SIPA1L3: variants seen among roughly 807,000 people sequenced by gnomAD.
The protein encoded by SIPA1L3 is signal-induced proliferation-associated 1-like protein 3.
SIPA1L3 carries 59 observed loss-of-function variants against 150.1 expected under a neutral mutation model. The observed-to-expected ratio is 0.39, with a 90% CI of 0.32 to 0.49. The LOEUF is 0.49. Ranked by LOEUF, SIPA1L3 falls within the 20% of genes least tolerant of loss-of-function variation. SIPA1L3 has a pLI of 0.86. For missense variants in SIPA1L3, 2,211 were observed against 2,489.5 expected, an observed-to-expected ratio of 0.89 and a Z score of 2.38; for synonymous variants, 1,070 against 1,077.6, an observed-to-expected ratio of 0.99 and a Z score of 0.14.
At chr19:37,954,883 T>C (rs955057982) in intron 1 of SIPA1L3, among the ~76,000 whole-genome samples, 7 of 152,028 alleles carry the variant, frequency 4.6e-5, no homozygotes, top group African/African-American at 1.7e-4. Context: ...GGCCAGGAGT[T>C]CGAGACCAGC....
chr19:38,053,713 C>A (rs963562216), intron 2 of SIPA1L3, among the ~76,000 whole-genome samples: 1 of 152,054 alleles, frequency 6.6e-6, no homozygotes, highest in African/African-American at 2.4e-5. Context: ...TGTGCCAACA[C>A]GCCCAGCTAA....
intron 2 of SIPA1L3, among the ~76,000 whole-genome samples, chr19:38,054,884 G>C (rs1249492593): frequency 1.3e-5 from 2 of 152,230 alleles, no homozygotes; most frequent in African/African-American, 4.8e-5. Context: ...ATGAGTCCTT[G>C]GTGATAGCAG....
chr19:38,002,717 CAAAAAAAA>C (rs55737969), intron 1 of SIPA1L3, among the ~76,000 whole-genome samples: 3 of 61,420 alleles, frequency 4.9e-5, no homozygotes, highest in Admixed American at 2.2e-4. Flanking sequence ...GACTCCATCT[CAAAAAAAA>C]AAAAAAAAAA....
At chr19:37,945,859 T>G (rs1357098993) in intron 1 of SIPA1L3, among the ~76,000 whole-genome samples, 1 of 152,138 alleles carries the variant, frequency 6.6e-6, no homozygotes. Flanking sequence ...GAGTGTCTAT[T>G]TTTAAAGACT....
chr19:38,201,924 G>T lies in SIPA1L3; in HGVS notation c.5047G>T (p.Ala1683Ser). 6.2e-7 allele frequency: 1 copy of T among 1,613,914 alleles called. No homozygotes were observed. The highest frequency in any genetic ancestry group is 8.5e-7 in the Non-Finnish European group (1 of 1,179,942). The change falls in exon 20 of 22, where the codon GCA (alanine) becomes TCA (serine). Residue 1683 changes from alanine to serine, a missense_variant. Coordinates refer to ENST00000222345, the MANE Select transcript of SIPA1L3 (RefSeq NM_015073.3). ...GGCCCTGAGCCCGGACATCCCGCCT[G>T]CACACAGTCCTGTCCACAGCCACCT... ...DPALSPDIPP[A>S]HSPVHSHLSL...
At chr19:38,094,237 G>A (rs1358971983) in intron 4 of SIPA1L3, among the ~76,000 whole-genome samples, 1 of 152,116 alleles carries the variant, frequency 6.6e-6, no homozygotes, top group Admixed American at 6.5e-5. Context: ...GACTGTGTGT[G>A]TGTCTGTGTG....
intron 15 of SIPA1L3, among the ~76,000 whole-genome samples, chr19:38,181,108 GGACAAAATGC>G (rs1972545826): frequency 6.6e-6 from 1 of 152,142 alleles, no homozygotes; most frequent in Admixed American, 6.6e-5. Flanking sequence ...GGTGGGGGGA[GGACAAAATGC>G]GACAAATTTC....
In SIPA1L3 at chr19:38,081,257, A is replaced by G. The variant is rs1029637025; in HGVS notation, c.-309A>G. 2.4e-6 allele frequency: 1 copy of G among 409,618 alleles called. No homozygotes were observed. Among genetic ancestry groups the G allele is most frequent in the Admixed American group, 4.0e-5 (1 of 25,114 alleles). The allele number at this position is 409,618 out of a possible 1,614,324, so 25.4% of individuals were successfully genotyped here. ...TATTTTCCTTTTCTTCCATTTCAGC[A>G]TGGCGAGGACAACATCCTTGCTGCC... is the stretch of plus-strand genomic sequence containing the variant. On this transcript the variant is annotated splice_region_variant and 5_prime_UTR_variant, in exon 3 of 22. An upstream start codon of the reference 5' UTR is lost. Coordinates refer to ENST00000222345, the MANE Select transcript of SIPA1L3 (RefSeq NM_015073.3).
intron 9 of SIPA1L3, among the ~76,000 whole-genome samples, chr19:38,123,421 A>C (rs1267465095): frequency 6.7e-6 from 1 of 149,328 alleles, no homozygotes; most frequent in Admixed American, 6.7e-5. Flanking sequence ...GGCCTTCCGC[A>C]GTGTTTGTGT....
In SIPA1L3 at chr19:38,141,280, T is replaced by C; in HGVS notation, c.3240T>C (p.Ala1080=). The change falls in exon 11 of 22, where the codon GCT becomes GCC. Residue 1080 remains alanine (A), a synonymous_variant. Transcript: ENST00000222345. The part of the protein sequence containing the change: ...PGGRPPYRSN[A]PWQWSGPASH... ...GCCGGCCCCCCTACCGCAGCAATGC[T>C]CCCTGGCAGTGGAGCGGGCCCGCAT... 6.2e-7 allele frequency: 1 copy of C among 1,613,592 alleles called. No homozygotes were observed. Among genetic ancestry groups the C allele is most frequent in the South Asian group, 1.1e-5 (1 of 91,062 alleles).
In SIPA1L3 at chr19:38,193,707, G is replaced by A. The variant is rs375867436; in HGVS notation, c.4767G>A (p.Gln1589=). 2.5e-6 allele frequency: 4 copies of A among 1,571,170 alleles called. No individual in the cohort carries two copies. The highest frequency in any genetic ancestry group is 2.3e-5 in the South Asian group (2 of 87,318). Residue 1589 remains glutamine, a synonymous_variant, in exon 18 of 22, where the codon CAG becomes CAA. Transcript: ENST00000222345. ...CCAGCACGCTGCCTGCACGCCGCCAGCACCAGCACCCCCACCCGCCCGTCG... is the reference window on the plus strand; with the variant it reads ...CCAGCACGCTGCCTGCACGCCGCCAACACCAGCACCCCCACCCGCCCGTCG... ...FPSSTLPARR[Q]HQHPHPPVGP... is the part of the protein sequence containing the mutation.
At chr19:37,952,019 G>A (rs548302321) in intron 1 of SIPA1L3, among the ~76,000 whole-genome samples, 1 of 151,996 alleles carries the variant, frequency 6.6e-6, no homozygotes, top group African/African-American at 2.4e-5. Flanking sequence ...CTGCCATAGG[G>A]ATTGGTTCAA....
intron 2 of SIPA1L3, among the ~76,000 whole-genome samples, chr19:38,038,474 C>T (rs36106417): frequency 0.052 from 7,831 of 151,680 alleles, 295 homozygotes; most frequent in East Asian, 0.1. Flanking sequence ...CCTGTAATCC[C>T]AGCTGCTCAG....
rs1365340425 is a variant in SIPA1L3, at chr19:38,082,965, A to G, written c.1400A>G (p.Tyr467Cys). The G allele has an allele frequency of 1.9e-6, 3 of 1,612,706 alleles. No individual in the cohort carries two copies. Among genetic ancestry groups the G allele is most frequent in the East Asian group, 2.2e-5 (1 of 44,846 alleles). The change falls in exon 3 of 22, where the codon TAC becomes TGC. Residue 467 changes from tyrosine to cysteine, a missense_variant. Physicochemically the swap from Tyr to Cys is radical, Grantham distance 194. Around this residue, in one of 5 missense-constraint regions of SIPA1L3, gnomAD observed 587 missense variants for 534.5 expected, o/e 1.10. Transcript: ENST00000222345. ...CTGGCAGAGCCCGCCCTGAGCGCCTACCGCACCAACGCCAGCATCTCGGTG... is the reference window on the plus strand; with the variant it reads ...CTGGCAGAGCCCGCCCTGAGCGCCTGCCGCACCAACGCCAGCATCTCGGTG... Reference protein sequence around the residue: ...GHLAEPALSAYRTNASISVLE... With the variant: ...GHLAEPALSACRTNASISVLE...
At chr19:37,950,589 A>G (rs1296032460) in intron 1 of SIPA1L3, among the ~76,000 whole-genome samples, 3 of 152,178 alleles carry the variant, frequency 2.0e-5, no homozygotes, top group Non-Finnish European at 4.4e-5. Flanking sequence ...CCAGCTCCTG[A>G]TCACACTTGA....
At chr19:38,189,351 G>A (rs1438372793) in intron 16 of SIPA1L3, among the ~76,000 whole-genome samples, 3 of 152,136 alleles carry the variant, frequency 2.0e-5, no homozygotes, top group African/African-American at 7.2e-5. Flanking sequence ...CTCACACTCC[G>A]CACTCCTGGG....
At chr19:38,133,968 A>G (rs998935227) in intron 10 of SIPA1L3, among the ~76,000 whole-genome samples, 2 of 150,204 alleles carry the variant, frequency 1.3e-5, no homozygotes, top group African/African-American at 4.9e-5. Context: ...ACATAGCAAG[A>G]CCTCGCCACT....
In SIPA1L3 at chr19:38,000,910, A is replaced by C. The variant is rs202061040; in HGVS notation, c.-378-28179A>C. 6.3e-5 allele frequency among the ~76,000 whole-genome samples: 5 copies of C among 79,184 alleles called. No homozygotes were observed. The South Asian group carries it at 1.4e-3, about 22-fold the overall frequency. The allele number at this position is 79,184 out of a possible 152,430, so 51.9% of individuals were successfully genotyped here. On this transcript the variant is annotated intron_variant, in intron 1 of 21. Transcript: ENST00000222345. Reference sequence around the variant, plus strand: ...ATATATATGTTATATATATATATATAACATATATATAACATATATATAACA... The same window carrying C: ...ATATATATGTTATATATATATATATCACATATATATAACATATATATAACA...
At chr19:38,176,517 G>C (rs1030077136) in intron 15 of SIPA1L3, among the ~76,000 whole-genome samples, 1 of 151,892 alleles carries the variant, frequency 6.6e-6, no homozygotes, top group African/African-American at 2.4e-5. Flanking sequence ...CCACCTCAGC[G>C]TCCCAAGTAG....
Sources: allele counts gnomAD v4.1 joint callset (sites outside exome capture counted in the v4.1 genomes callset), GRCh38; gene constraint gnomAD v4.1.1; regional missense constraint gnomAD v4.1.1; transcripts MANE v1.5; gene names NCBI Gene and HGNC (gene_info 2026-07-23, HGNC 2026-07-21).